Variants in AKAP12 observed in about 807,000 individuals in gnomAD.
AKAP12 encodes A-kinase anchor protein 12.
AKAP12 carries 32 observed loss-of-function variants against 79.9 expected under a neutral mutation model. The observed-to-expected ratio is 0.40, with a 90% CI of 0.30 to 0.54. The LOEUF (loss-of-function observed/expected upper bound fraction) is 0.54, where lower values mean the gene tolerates loss of function less well. Ranked by LOEUF, AKAP12 falls within the 20% of genes least tolerant of loss-of-function variation. The probability of loss-of-function intolerance (pLI) is 0.48; values close to 1 mark genes in which losing one functional copy is unlikely to be tolerated. For synonymous variants in AKAP12, 808 were observed against 857.0 expected (o/e 0.94, Z 1.00); for missense variants, 2,074 against 2,177.0 (o/e 0.95, Z 0.94).
At chr6:151,305,653 CT>C (rs1776961895) in intron 2 of AKAP12, 93 bp from the exon 3 acceptor site, 1 of 1,252,740 alleles carries the variant, frequency 8.0e-7, no homozygotes, top group Non-Finnish European at 1.1e-6. Context: ...TGTATTTCTT[CT>C]TTCACTGGTT....
chr6:151,337,384 G>A lies in AKAP12; in HGVS notation c.320-11327G>A, dbSNP rs894713776. 1.7e-4 allele frequency among the ~76,000 whole-genome samples: 26 copies of A among 151,584 alleles called. No individual in the cohort carries two copies. In the East Asian group the frequency reaches 4.9e-3, roughly 28 times the overall value. ...CAAAAAATTAGCCGGGCGTCGCGGC[G>A]GGCGCCTGTAATCCCAGCTACTTGG... On this transcript the variant is annotated intron_variant, in intron 3 of 4. Coordinates refer to ENST00000402676, the MANE Select transcript of AKAP12 (RefSeq NM_005100.4).
chr6:151,351,715 A>C lies in AKAP12; in HGVS notation c.3324A>C (p.Gln1108His). 3.1e-6 allele frequency: 5 copies of C among 1,614,214 alleles called. No individual in the cohort carries two copies. The highest frequency in any genetic ancestry group is 4.2e-6 in the Non-Finnish European group (5 of 1,180,044). ...AQEAKTEPFT[Q>H]GKVVGQTTPE... ...AGGCAAAAACTGAGCCTTTTACACAAGGGAAGGTGGTGGGGCAGACCACCC... is the reference window on the plus strand; with the variant it reads ...AGGCAAAAACTGAGCCTTTTACACACGGGAAGGTGGTGGGGCAGACCACCC... Residue 1108 changes from glutamine (Q) to histidine (H), a missense_variant, in exon 4 of 5, where the codon CAA becomes CAC. Gln to His is a conservative substitution (Grantham distance 24). Coordinates refer to ENST00000402676, the MANE Select transcript of AKAP12 (RefSeq NM_005100.4). This position sits in a 1 kb window ranked among gnomAD's most constrained non-coding sequence, Gnocchi z 4.4.
chr6:151,310,492 A>ACAGCCCTTGGGGAGGTCGAGG (rs1777070837), intron 3 of AKAP12, among the ~76,000 whole-genome samples: 1 of 152,152 alleles, frequency 6.6e-6, no homozygotes, highest in Non-Finnish European at 1.5e-5. Flanking sequence ...GCCTGTAATC[A>ACAGCCCTTGGGGAGGTCGAGG]CAGCCCTTGG....
At chr6:151,337,588 A>G (rs1305094252) in intron 3 of AKAP12, among the ~76,000 whole-genome samples, 1 of 152,082 alleles carries the variant, frequency 6.6e-6, no homozygotes, top group Admixed American at 6.6e-5. Context: ...GAATACAGAG[A>G]ACACCCATAC....
At chr6:151,341,906 G>T in intron 3 of AKAP12, 1 of 731,930 alleles carries the variant, frequency 1.4e-6, no homozygotes, top group Non-Finnish European at 1.9e-6. Flanking sequence ...CCCAGCCCAG[G>T]CTGTAGAGCC....
chr6:151,305,169 G>GTTT (rs869087478), intron 2 of AKAP12, among the ~76,000 whole-genome samples: 1 of 136,936 alleles, frequency 7.3e-6, no homozygotes, highest in Non-Finnish European at 1.6e-5. Flanking sequence ...AGTCAGGGCT[G>GTTT]TTTTTTTTTT....
At chr6:151,285,055 A>AG (rs1776473490) in intron 2 of AKAP12, among the ~76,000 whole-genome samples, 1 of 152,216 alleles carries the variant, frequency 6.6e-6, no homozygotes. Flanking sequence ...ACTTTATTTT[A>AG]GGAATAGTTA....
chr6:151,252,766 G>A (rs1324387984), intron 2 of AKAP12, among the ~76,000 whole-genome samples: 4 of 147,720 alleles, frequency 2.7e-5, no homozygotes, highest in East Asian at 2.0e-4. Flanking sequence ...ATGAGAAAAC[G>A]AGATAAAAGA....
intron 3 of AKAP12, among the ~76,000 whole-genome samples, chr6:151,347,643 T>C (rs992215416): frequency 1.3e-5 from 2 of 152,234 alleles, no homozygotes; most frequent in Non-Finnish European, 2.9e-5. Flanking sequence ...TGGAAAGAAG[T>C]AGACATTAAT....
chr6:151,264,389 G>T (rs867099227), intron 2 of AKAP12, among the ~76,000 whole-genome samples: 1 of 123,324 alleles, frequency 8.1e-6, no homozygotes, highest in Non-Finnish European at 1.7e-5. Context: ...AAAAAAAAAA[G>T]CTTGGGCATA....
chr6:151,269,151 G>A (rs2786748), intron 2 of AKAP12, among the ~76,000 whole-genome samples: 113,639 of 151,542 alleles, frequency 0.75, 44,042 homozygotes, highest in African/African-American at 0.93. Flanking sequence ...ACAGTTGAAT[G>A]TAGACAGTAC....
rs952461056 is a variant in AKAP12, at chr6:151,325,546, G to C, written c.319+19643G>C. The C allele has an allele frequency of 1.6e-5, 20 of 1,260,924 alleles. No individual in the cohort carries two copies. The African/African-American group carries it at 2.8e-4, about 17-fold the overall frequency. 78.1% of individuals were successfully genotyped at this position (1,260,924 alleles called of 1,614,324 possible). ...CCCCCTGCTTGTGCGGCCCGGGCGGGGAAGTTTGCGCTCCCGAAGTCCTGG... is the reference window on the plus strand; with the variant it reads ...CCCCCTGCTTGTGCGGCCCGGGCGGCGAAGTTTGCGCTCCCGAAGTCCTGG... On this transcript the variant is annotated intron_variant, in intron 3 of 4. Transcript: ENST00000402676.
In AKAP12 at chr6:151,271,446, G is replaced by A. The variant is rs141651950; in HGVS notation, c.162+30722G>A. ...ATGTGATCCTCCCACCTCAGCCTCCGGAGTAGCTGGGACTACAGGCCTGTG... is the reference window on the plus strand; with the variant it reads ...ATGTGATCCTCCCACCTCAGCCTCCAGAGTAGCTGGGACTACAGGCCTGTG... On this transcript the variant is annotated intron_variant, in intron 2 of 4. Transcript: ENST00000402676. 3.0e-4 allele frequency among the ~76,000 whole-genome samples: 45 copies of A among 149,764 alleles called. 1 individual carries two copies. In the East Asian group the frequency reaches 7.1e-3, roughly 24 times the overall value.
chr6:151,322,500 A>G (rs1777422041), intron 3 of AKAP12, among the ~76,000 whole-genome samples: 1 of 152,104 alleles, frequency 6.6e-6, no homozygotes, highest in Non-Finnish European at 1.5e-5. Flanking sequence ...TAAACTCCGA[A>G]CCTCATAGCT....
At position 151,351,479 on chromosome 6, in the gene AKAP12, C is replaced by T; in HGVS notation, c.3088C>T (p.Pro1030Ser). 6.2e-7 allele frequency: 1 copy of T among 1,614,150 alleles called. No homozygotes were observed. Among genetic ancestry groups the T allele is most frequent in the African/African-American group, 1.3e-5 (1 of 75,034 alleles). The change falls in exon 4 of 5, where the codon CCT becomes TCT. Residue 1030 changes from proline to serine, a missense_variant. Physicochemically the swap from Pro to Ser is moderately conservative, Grantham distance 74 (BLOSUM62 -1). Transcript: ENST00000402676. This position sits in a 1 kb window ranked among gnomAD's most constrained non-coding sequence, Gnocchi z 4.4. The part of the protein sequence containing the change: ...TPVQEVEGGV[P>S]DIEEQERRTQ... ...GGTGCAGGAGGTGGAAGGTGGCGTA[C>T]CTGACATAGAAGAGCAAGAGAGGCG...
chr6:151,293,176 G>C (rs1776655645), intron 2 of AKAP12, among the ~76,000 whole-genome samples: 1 of 152,212 alleles, frequency 6.6e-6, no homozygotes, highest in Admixed American at 6.5e-5. Context: ...AGGATGTGAT[G>C]TAATTATTTT....
intron 2 of AKAP12, among the ~76,000 whole-genome samples, chr6:151,257,594 G>A (rs1440550347): frequency 6.6e-6 from 1 of 152,196 alleles, no homozygotes; most frequent in Non-Finnish European, 1.5e-5. Context: ...ACTGCACCCA[G>A]CCTAGCTCCC....
rs1383403187 is a variant in AKAP12, at chr6:151,358,225, A to T, written c.*2511A>T. 3 of 152,248 alleles carry T rather than the reference A, an allele frequency of 2.0e-5. No individual in the cohort carries two copies. The highest frequency in any genetic ancestry group is 7.2e-5 in the African/African-American group (3 of 41,472). The allele number at this position is 152,248 out of a possible 1,614,324, so 9.4% of individuals were successfully genotyped here. A position where few individuals can be genotyped will look rare whatever the true frequency, so the allele number is the denominator to read the frequency against. ...GTGCCTACATTTTGTTATTTTTGGCATTACTACAGAGCCATGTACAATAGA... is the reference window on the plus strand; with the variant it reads ...GTGCCTACATTTTGTTATTTTTGGCTTTACTACAGAGCCATGTACAATAGA... On this transcript the variant is annotated 3_prime_UTR_variant, in exon 5 of 5. Transcript: ENST00000402676.
rs35315335 is a variant in AKAP12 at position 151,246,690 on chromosome 6, CAG to C, written c.162+5969_162+5970del. Among the ~76,000 whole-genome samples, 708 of 152,290 alleles carry C rather than the reference CAG, an allele frequency of 4.6e-3. 12 individuals are homozygous for C. Among genetic ancestry groups the C allele is most frequent in the African/African-American group, 0.016 (662 of 41,580 alleles). ...TCTGATCATGCACTGGTCTGGCTGTCAGAGCATGAAAGGCTATGGTTTGTTTC... is the reference window on the plus strand; with the variant it reads ...TCTGATCATGCACTGGTCTGGCTGTCAGCATGAAAGGCTATGGTTTGTTTC... On this transcript the variant is annotated intron_variant, in intron 2 of 4. Coordinates refer to ENST00000402676, the MANE Select transcript of AKAP12 (RefSeq NM_005100.4).
Sources: gnomAD v4.1 joint callset for allele counts (sites outside exome capture counted in the v4.1 genomes callset) on GRCh38, gnomAD v4.1.1 for gene constraint, Gnocchi (gnomAD v3.1) non-coding constraint, MANE v1.5 for transcripts, NCBI Gene and HGNC (gene_info 2026-07-23, HGNC 2026-07-21) for gene names.